SIMC1: variants seen among roughly 807,000 people sequenced by gnomAD.
The protein encoded by SIMC1 is SUMO-interacting motif-containing protein 1.
In SIMC1, 55 loss-of-function variants were observed where a neutral mutation model predicts 82.3. The ratio of observed to expected loss-of-function variants is 0.67; its 90% CI spans 0.54 to 0.84. The LOEUF is 0.84. Ranked by LOEUF, SIMC1 falls within the 40% of genes least tolerant of loss-of-function variation. SIMC1 has a pLI of 0.00. For synonymous variants in SIMC1, 353 were observed against 426.3 expected (o/e 0.83, Z 2.12); for missense variants, 915 against 1,107.2 (o/e 0.83, Z 2.46).
chr5:176,249,718 T>C (rs979574400), intron 1 of SIMC1, among the ~76,000 whole-genome samples: 2 of 151,606 alleles, frequency 1.3e-5, no homozygotes, highest in African/African-American at 4.8e-5. Context: ...GTGGCAGGCA[T>C]CTGTAGTCCC....
chr5:176,265,561 A>G (rs555742263), intron 1 of SIMC1, among the ~76,000 whole-genome samples: 5 of 152,280 alleles, frequency 3.3e-5, no homozygotes, highest in African/African-American at 1.2e-4. Flanking sequence ...TAAAATGTGA[A>G]TAACATTCAC....
chr5:176,287,711 AAAG>A (rs1246145580), intron 1 of SIMC1, among the ~76,000 whole-genome samples: 7 of 151,750 alleles, frequency 4.6e-5, no homozygotes, highest in Admixed American at 3.9e-4. Context: ...AAGAATAAAA[AAAG>A]AAAAAAAAAA....
chr5:176,295,543 G>C (rs191556943), intron 3 of SIMC1, among the ~76,000 whole-genome samples: 2 of 152,182 alleles, frequency 1.3e-5, no homozygotes, highest in Non-Finnish European at 2.9e-5. Context: ...GCTCTACTTC[G>C]GTTCTGTTTG....
intron 9 of SIMC1, among the ~76,000 whole-genome samples, chr5:176,338,724 G>C (rs1398453659): frequency 1.3e-5 from 2 of 151,704 alleles, no homozygotes; most frequent in South Asian, 2.1e-4. Context: ...ACTCAGTAAT[G>C]GCACTTGGGA....
chr5:176,330,751 T>C (rs1426777542), intron 7 of SIMC1, among the ~76,000 whole-genome samples: 2 of 152,116 alleles, frequency 1.3e-5, no homozygotes, highest in African/African-American at 2.4e-5. Flanking sequence ...TAGGCAGAAA[T>C]ACTGTTTGGC....
chr5:176,272,268 G>A (rs923967374), intron 1 of SIMC1, among the ~76,000 whole-genome samples: 2 of 149,058 alleles, frequency 1.3e-5, no homozygotes, highest in African/African-American at 4.9e-5. Flanking sequence ...TCACTCCACT[G>A]CACTCCAGCC....
intron 1 of SIMC1, among the ~76,000 whole-genome samples, chr5:176,241,835 C>T (rs574770849): frequency 5.3e-5 from 8 of 151,620 alleles, no homozygotes; most frequent in African/African-American, 1.9e-4. Flanking sequence ...AGGTTTACAT[C>T]GTCTGTTTAC....
At chr5:176,293,209 C>T (rs112543787) in intron 2 of SIMC1, among the ~76,000 whole-genome samples, 11 of 151,938 alleles carry the variant, frequency 7.2e-5, no homozygotes, top group Non-Finnish European at 1.5e-4. Context: ...AGGCCGTGGT[C>T]GGTGGATTGC....
At chr5:176,246,825 G>A (rs1268357566) in intron 1 of SIMC1, among the ~76,000 whole-genome samples, 1 of 151,290 alleles carries the variant, frequency 6.6e-6, no homozygotes, top group Non-Finnish European at 1.5e-5. Flanking sequence ...TGTTCTCATT[G>A]TTCAACTTCC....
At position 176,272,215 on chromosome 5, in the gene SIMC1, C is replaced by T. The variant is rs528182208; in HGVS notation, c.130-17439C>T. Among the ~76,000 whole-genome samples, 107 of 140,794 alleles carry T rather than the reference C, an allele frequency of 7.6e-4. No individual in the cohort carries two copies. The Middle Eastern group carries it at 0.025, about 32-fold the overall frequency. The allele number at this position is 140,794 out of a possible 152,430, so 92.4% of individuals were successfully genotyped here. Reference sequence around the variant, plus strand: ...AAAAAAAAAGGTGGGCATGGTGGAACGCACCTGCAGTCCCTGCTACATAGG... The same window carrying T: ...AAAAAAAAAGGTGGGCATGGTGGAATGCACCTGCAGTCCCTGCTACATAGG... On this transcript the variant is annotated intron_variant, in intron 1 of 9. Transcript: ENST00000429602.
chr5:176,331,166 C>A (rs1765642987), intron 7 of SIMC1, among the ~76,000 whole-genome samples: 1 of 151,684 alleles, frequency 6.6e-6, no homozygotes, highest in Non-Finnish European at 1.5e-5. Context: ...GTCAGGAGAT[C>A]AATACCATCC....
intron 2 of SIMC1, among the ~76,000 whole-genome samples, chr5:176,293,588 A>G (rs1432479142): frequency 6.6e-6 from 1 of 152,002 alleles, no homozygotes; most frequent in Admixed American, 6.6e-5. Context: ...TACTAAAAAT[A>G]CTAAAAAAAA....
intron 4 of SIMC1, among the ~76,000 whole-genome samples, chr5:176,306,580 C>G (rs946626334): frequency 7.9e-5 from 12 of 151,464 alleles, no homozygotes; most frequent in Admixed American, 7.2e-4. Context: ...AAAAATTCCT[C>G]TGCCTTGGGA....
intron 1 of SIMC1, among the ~76,000 whole-genome samples, chr5:176,245,035 A>C (rs1204674417): frequency 6.6e-6 from 1 of 152,110 alleles, no homozygotes; most frequent in Non-Finnish European, 1.5e-5. Flanking sequence ...TTTCTTACTC[A>C]TTTGTTAAAT....
intron 1 of SIMC1, chr5:176,263,442 A>G: frequency 2.6e-6 from 4 of 1,547,108 alleles, no homozygotes; most frequent in Non-Finnish European, 2.6e-6. Context: ...TGGCACCAGC[A>G]TCTGCTTCTG....
At chr5:176,246,913 TC>T (rs1363473462) in intron 1 of SIMC1, among the ~76,000 whole-genome samples, 1 of 152,152 alleles carries the variant, frequency 6.6e-6, no homozygotes, top group Non-Finnish European at 1.5e-5. Flanking sequence ...TCCAGCTTCA[TC>T]CATGTCCCTC....
intron 9 of SIMC1, among the ~76,000 whole-genome samples, chr5:176,341,542 T>C (rs1581338697): frequency 6.6e-6 from 1 of 151,472 alleles, no homozygotes; most frequent in South Asian, 2.1e-4. Flanking sequence ...AGGGGAGGGG[T>C]AATGGTGACA....
chr5:176,276,641 T>C (rs111405093), intron 1 of SIMC1, among the ~76,000 whole-genome samples: 1 of 136,904 alleles, frequency 7.3e-6, no homozygotes, highest in Non-Finnish European at 1.6e-5. Context: ...TATTCCCCTT[T>C]CTGTGTCCAT....
chr5:176,344,679 A>G (rs1374800069), intron 9 of SIMC1, among the ~76,000 whole-genome samples: 2 of 152,194 alleles, frequency 1.3e-5, no homozygotes, highest in Non-Finnish European at 2.9e-5. Context: ...AGGAGGTGCT[A>G]CGTAAACACT....
Sources: allele counts gnomAD v4.1 joint callset (sites outside exome capture counted in the v4.1 genomes callset), GRCh38; gene constraint gnomAD v4.1.1; transcripts MANE v1.5; gene names NCBI Gene and HGNC (gene_info 2026-07-23, HGNC 2026-07-21).